The following DNAAF10 variants were observed in gnomAD, a reference collection of about 807,000 sequenced individuals.
The protein encoded by DNAAF10 is dynein axonemal assembly factor 10.
In DNAAF10, 28 loss-of-function variants were observed where a neutral mutation model predicts 43.7. The observed-to-expected ratio is 0.64, with a 90% CI of 0.48 to 0.88. DNAAF10 has a LOEUF of 0.88. Ranked by LOEUF, DNAAF10 falls within the 40% of genes least tolerant of loss-of-function variation. The probability of loss-of-function intolerance (pLI) is 0.00; values close to 1 mark genes in which losing one functional copy is unlikely to be tolerated. For missense variants in DNAAF10, 403 were observed against 439.1 expected (o/e 0.92, Z 0.73); for synonymous variants, 156 against 157.3 (o/e 0.99, Z 0.06).
intron 1 of DNAAF10, among the ~76,000 whole-genome samples, chr2:68,151,986 C>A (rs1478353526): frequency 1.3e-5 from 2 of 152,192 alleles, no homozygotes; most frequent in African/African-American, 4.8e-5. Context: ...CTAAACTAGG[C>A]TGCCTCCAGG....
intron 2 of DNAAF10, 83 bp from the exon 3 acceptor site, chr2:68,144,798 T>C: frequency 1.3e-6 from 2 of 1,481,572 alleles, no homozygotes; most frequent in Non-Finnish European, 1.8e-6. Context: ...ATATTATAGT[T>C]AGATTTTTTC....
At chr2:68,138,637 G>T in intron 5 of DNAAF10, 105 bp downstream of exon 5, 1 of 787,556 alleles carries the variant, frequency 1.3e-6, no homozygotes, top group Non-Finnish European at 2.1e-6. Flanking sequence ...CGTTGGCAGA[G>T]GGGTTGACTC....
chr2:68,148,238 G>A (rs1212341950), intron 1 of DNAAF10, among the ~76,000 whole-genome samples: 1 of 152,146 alleles, frequency 6.6e-6, no homozygotes, highest in Non-Finnish European at 1.5e-5. Flanking sequence ...TCCTTGGAAA[G>A]GATCTAACAC....
At chr2:68,149,168 T>G (rs1237044051) in intron 1 of DNAAF10, among the ~76,000 whole-genome samples, 1 of 152,218 alleles carries the variant, frequency 6.6e-6, no homozygotes, top group Non-Finnish European at 1.5e-5. Flanking sequence ...ACATAGCAAT[T>G]TTCACGAATA....
chr2:68,149,320 G>A (rs1021064991), intron 1 of DNAAF10, among the ~76,000 whole-genome samples: 2 of 152,106 alleles, frequency 1.3e-5, no homozygotes, highest in Non-Finnish European at 2.9e-5. Context: ...GAGTTACTAC[G>A]TGGCCAAGTC....
At chr2:68,152,839 G>A (rs887519134) in intron 1 of DNAAF10, among the ~76,000 whole-genome samples, 1 of 152,114 alleles carries the variant, frequency 6.6e-6, no homozygotes, top group African/African-American at 2.4e-5. Flanking sequence ...ATGTGGGTGG[G>A]TCTAGTACAG....
chr2:68,145,050 T>C (rs1197492244), intron 2 of DNAAF10, among the ~76,000 whole-genome samples: 1 of 152,016 alleles, frequency 6.6e-6, no homozygotes, highest in African/African-American at 2.4e-5. Context: ...TCCCCAAACA[T>C]AATGAATCAG....
At chr2:68,136,220 G>GAAAAGAA (rs1673039476) in intron 6 of DNAAF10, among the ~76,000 whole-genome samples, 1 of 52,670 alleles carries the variant, frequency 1.9e-5, no homozygotes, top group African/African-American at 5.8e-5. Context: ...TCTGTCTCCA[G>GAAAAGAA]AAAAAAAAAA....
At chr2:68,152,204 T>C (rs1673474611) in intron 1 of DNAAF10, among the ~76,000 whole-genome samples, 1 of 152,222 alleles carries the variant, frequency 6.6e-6, no homozygotes, top group Admixed American at 6.5e-5. Context: ...TATGATATTA[T>C]GCTTCCCTCA....
chr2:68,134,740 C>G lies in DNAAF10; in HGVS notation c.828G>C (p.Leu276=), dbSNP rs1398871332. Residue 276 remains leucine, a synonymous_variant, in exon 7 of 8, where the codon CTG becomes CTC. Transcript: ENST00000295121. The part of the protein sequence containing the change: ...RHLPQNRELF[L]TAGGAGGLHL... ...GAAGGCCGCCGGCGCCTCCAGCTGT[C>G]AGAAAGAGCTCCCTGTTCTGCGGCA... 1 of 1,609,280 alleles carries G rather than the reference C, an allele frequency of 6.2e-7. No individual in the cohort carries two copies. The highest frequency in any genetic ancestry group is 1.1e-5 in the South Asian group (1 of 89,882).
chr2:68,132,579 T>C (rs758070510), intron 7 of DNAAF10, among the ~76,000 whole-genome samples: 1 of 152,204 alleles, frequency 6.6e-6, no homozygotes, highest in Non-Finnish European at 1.5e-5. Context: ...AAAATCAGCA[T>C]GTTGAAGTTT....
In DNAAF10 at chr2:68,131,314, T is replaced by A; in HGVS notation, c.998A>T (p.Lys333Ile). The A allele has an allele frequency of 8.7e-6, 14 of 1,614,136 alleles. No homozygotes were observed. Among genetic ancestry groups the A allele is most frequent in the African/African-American group, 2.7e-5 (2 of 75,026 alleles). The stretch of plus-strand genomic sequence containing the variant: ...TGAACTACAGACGCAGAGACCCCTT[T>A]TATCTGGACTCCAATCCAAACTTGA... ...PISSLDWSPD[K>I]RGLCVCSSFD... Residue 333 changes from lysine (K) to isoleucine (I), a missense_variant, in exon 8 of 8, where the codon AAA becomes ATA. Lys to Ile is a moderately radical substitution (Grantham distance 102, BLOSUM62 -3). Transcript: ENST00000295121.
intron 7 of DNAAF10, chr2:68,134,195 G>A: frequency 3.0e-6 from 3 of 986,886 alleles, no homozygotes; most frequent in Non-Finnish European, 3.6e-6. Flanking sequence ...TATCTGTGAT[G>A]TTAGCGCCCT....
chr2:68,154,964 G>A (rs1342750050), intron 1 of DNAAF10, among the ~76,000 whole-genome samples: 2 of 152,046 alleles, frequency 1.3e-5, no homozygotes, highest in South Asian at 4.2e-4. Flanking sequence ...AGTAGAGACG[G>A]GGTTTCCCCA....
At chr2:68,152,297 A>G (rs1673476688) in intron 1 of DNAAF10, among the ~76,000 whole-genome samples, 1 of 152,198 alleles carries the variant, frequency 6.6e-6, no homozygotes, top group Non-Finnish European at 1.5e-5. Flanking sequence ...ATTAAACTCA[A>G]ACTGTATATC....
intron 1 of DNAAF10, chr2:68,157,041 G>T: frequency 1.5e-6 from 1 of 651,190 alleles, no homozygotes; most frequent in Non-Finnish European, 2.6e-6. Flanking sequence ...GACTGCACTG[G>T]GGGTGGCAGG....
intron 1 of DNAAF10, 119 bp from the exon 2 acceptor site, chr2:68,147,686 A>G: frequency 1.6e-6 from 1 of 628,386 alleles, no homozygotes; most frequent in East Asian, 3.4e-5. Context: ...AAAGGCAATT[A>G]AAACATCTTC....
At chr2:68,134,057 A>T (rs1171177362) in intron 7 of DNAAF10, 1 of 870,942 alleles carries the variant, frequency 1.1e-6, no homozygotes, top group Non-Finnish European at 1.4e-6. Flanking sequence ...TTGCTTAGCT[A>T]ATAAAGTATT....
chr2:68,138,210 T>C (rs1232787432), intron 5 of DNAAF10, among the ~76,000 whole-genome samples: 1 of 149,548 alleles, frequency 6.7e-6, no homozygotes, highest in Non-Finnish European at 1.5e-5. Context: ...AAAAAACCCA[T>C]TTTTTTTTTC....
Sources: gnomAD v4.1 joint callset for allele counts (sites outside exome capture counted in the v4.1 genomes callset) on GRCh38, gnomAD v4.1.1 for gene constraint, MANE v1.5 for transcripts, NCBI Gene and HGNC (gene_info 2026-07-23, HGNC 2026-07-21) for gene names.